ARL14EP: variants seen among roughly 807,000 people sequenced by gnomAD.
ARL14EP encodes the protein ARF like GTPase 14 effector protein.
Under a neutral mutation model 23.1 loss-of-function variants are expected in ARL14EP, and 12 were observed. The observed-to-expected ratio is 0.52, with a 90% confidence interval of 0.33 to 0.84. The LOEUF (loss-of-function observed/expected upper bound fraction) is 0.84, where lower values mean the gene tolerates loss of function less well. Ranked by LOEUF, ARL14EP falls within the 40% of genes least tolerant of loss-of-function variation. ARL14EP has a pLI of 0.02. For missense variants in ARL14EP, 253 were observed against 307.3 expected (o/e 0.82, Z 1.32); for synonymous variants, 97 against 102.0 (o/e 0.95, Z 0.29).
intron 3 of ARL14EP, among the ~76,000 whole-genome samples, chr11:30,333,578 G>T (rs754423231): frequency 3.9e-5 from 6 of 152,162 alleles, no homozygotes; most frequent in Non-Finnish European, 7.3e-5. Context: ...GATAAATGCT[G>T]TGGGTGTTCT....
intron 1 of ARL14EP, chr11:30,329,690 T>G (rs1359474126): frequency 2.0e-5 from 3 of 152,142 alleles, no homozygotes; most frequent in Admixed American, 2.0e-4. Context: ...GGGAAACAGT[T>G]TGTATGCATG....
rs1947276410 is a variant in ARL14EP at position 30,330,868 on chromosome 11, CTT to C, written c.-63-16_-63-15del. The C allele has an allele frequency of 7.3e-7, 1 of 1,375,618 alleles. No homozygotes were observed. Among genetic ancestry groups the C allele is most frequent in the Non-Finnish European group, 1.0e-6 (1 of 983,912 alleles). 85.2% of individuals were successfully genotyped at this position (1,375,618 alleles called of 1,614,324 possible). A position where few individuals can be genotyped will look rare whatever the true frequency, so the allele number is the denominator to read the frequency against. On this transcript the variant is annotated splice_polypyrimidine_tract_variant and intron_variant, in intron 1 of 3. Transcript: ENST00000282032. Reference sequence around the variant, plus strand: ...AAACTTGCAGCACAAATTTGATTCTCTTTAATATTTTCTCTAGGGTGATCAGC... The same window carrying C: ...AAACTTGCAGCACAAATTTGATTCTCTAATATTTTCTCTAGGGTGATCAGC...
chr11:30,330,882 C>A lies in ARL14EP; in HGVS notation c.-63-4C>A, dbSNP rs1947276433. ...AATTTGATTCTCTTTAATATTTTCT[C>A]TAGGGTGATCAGCCCATGACCTAAA... On this transcript the variant is annotated splice_polypyrimidine_tract_variant and splice_region_variant and intron_variant, in intron 1 of 3. Coordinates refer to ENST00000282032, the MANE Select transcript of ARL14EP (RefSeq NM_152316.3). 1 of 1,467,136 alleles carries A rather than the reference C, an allele frequency of 6.8e-7. No homozygotes were observed. Among genetic ancestry groups the A allele is most frequent in the Non-Finnish European group, 9.5e-7 (1 of 1,054,304 alleles). 90.9% of individuals were successfully genotyped at this position (1,467,136 alleles called of 1,614,324 possible). A position where few individuals can be genotyped will look rare whatever the true frequency, so the allele number is the denominator to read the frequency against.
intron 2 of ARL14EP, among the ~76,000 whole-genome samples, chr11:30,332,004 C>T (rs1433116154): frequency 6.6e-6 from 1 of 151,928 alleles, no homozygotes; most frequent in Non-Finnish European, 1.5e-5. Flanking sequence ...TATTTTACCT[C>T]TATTCCTATT....
intron 1 of ARL14EP, among the ~76,000 whole-genome samples, chr11:30,324,557 G>A (rs1404651977): frequency 6.6e-6 from 1 of 152,012 alleles, no homozygotes. Flanking sequence ...GTGGTGGGGG[G>A]GGTGTTCTGC....
chr11:30,330,088 C>A (rs941920840), intron 1 of ARL14EP: 1 of 151,920 alleles, frequency 6.6e-6, no homozygotes, highest in Non-Finnish European at 1.5e-5. Context: ...AATTGTTTTT[C>A]CATATGGTTA....
At chr11:30,323,833 A>G (rs938661854) in intron 1 of ARL14EP, among the ~76,000 whole-genome samples, 2 of 152,234 alleles carry the variant, frequency 1.3e-5, no homozygotes, top group Non-Finnish European at 2.9e-5. Flanking sequence ...GTAAATGAGA[A>G]TGATAGTACT....
At position 30,332,940 on chromosome 11, in the gene ARL14EP, T is replaced by A. The variant is rs1300308424; in HGVS notation, c.501T>A (p.Thr167=). The A allele has an allele frequency of 6.2e-7, 1 of 1,613,676 alleles. No homozygotes were observed. Among genetic ancestry groups the A allele is most frequent in the Admixed American group, 1.7e-5 (1 of 60,002 alleles). ...GGCAAACTGAATTTGCTCCAGAAACTGGTAAAAGAGAAAAAAGAAGGCTTA... is the reference window on the plus strand; with the variant it reads ...GGCAAACTGAATTTGCTCCAGAAACAGGTAAAAGAGAAAAAAGAAGGCTTA... ...PGRQTEFAPE[T]GKREKRRLTK... The change falls in exon 3 of 4, where the codon ACT becomes ACA. Residue 167 remains threonine, a synonymous_variant. Coordinates refer to ENST00000282032, the MANE Select transcript of ARL14EP (RefSeq NM_152316.3).
At position 30,331,072 on chromosome 11, in the gene ARL14EP, C is replaced by T. The variant is rs767739323; in HGVS notation, c.124C>T (p.Leu42Phe). 3.1e-6 allele frequency: 5 copies of T among 1,613,756 alleles called. No individual in the cohort carries two copies. Among genetic ancestry groups the T allele is most frequent in the Non-Finnish European group, 3.4e-6 (4 of 1,179,840 alleles). ...ATTGTCATCAAATGATATGCTTTTA[C>T]TTCAACTTAGAACTGGAATGACACT... ...QELSSNDMLL[L>F]QLRTGMTLSG... Residue 42 changes from leucine to phenylalanine, a missense_variant, in exon 2 of 4, where the codon CTT (leucine) becomes TTT (phenylalanine). Coordinates refer to ENST00000282032, the MANE Select transcript of ARL14EP (RefSeq NM_152316.3).
chr11:30,326,667 A>C (rs115895643), intron 1 of ARL14EP, among the ~76,000 whole-genome samples: 86 of 152,304 alleles, frequency 5.6e-4, no homozygotes, highest in African/African-American at 2.0e-3. Flanking sequence ...TTAGAATGCA[A>C]ACAGTGACCA....
intron 3 of ARL14EP, among the ~76,000 whole-genome samples, chr11:30,334,472 C>T (rs1400239926): frequency 6.6e-5 from 10 of 152,116 alleles, no homozygotes; most frequent in Non-Finnish European, 1.3e-4. Flanking sequence ...CCTTGGCCTC[C>T]CAAAGTGCTG....
intron 1 of ARL14EP, chr11:30,327,917 A>C (rs1322238099): frequency 1.3e-5 from 2 of 151,624 alleles, no homozygotes; most frequent in Non-Finnish European, 2.9e-5. Flanking sequence ...TGGAGCTTGC[A>C]GTGAGCCAAG....
chr11:30,333,847 A>G (rs556131801), intron 3 of ARL14EP, among the ~76,000 whole-genome samples: 2 of 152,342 alleles, frequency 1.3e-5, no homozygotes, highest in African/African-American at 4.8e-5. Flanking sequence ...TGTGAATGCA[A>G]AGAAAAAGTT....
rs36111177 is a variant in ARL14EP, at chr11:30,334,208, C to CTTTTTTTTTTTTTTT, written c.554+1226_554+1240dup. 1.1e-3 allele frequency among the ~76,000 whole-genome samples: 98 copies of CTTTTTTTTTTTTTTT among 86,026 alleles called. 13 individuals carry two copies. Among genetic ancestry groups the CTTTTTTTTTTTTTTT allele is most frequent in the East Asian group, 2.9e-3 (4 of 1,362 alleles). The allele number at this position is 86,026 out of a possible 152,430, so 56.4% of individuals were successfully genotyped here. A position where few individuals can be genotyped will look rare whatever the true frequency, so the allele number is the denominator to read the frequency against. On this transcript the variant is annotated intron_variant, in intron 3 of 3. Coordinates refer to ENST00000282032, the MANE Select transcript of ARL14EP (RefSeq NM_152316.3). ...CAGATTTTCAATGTAGACCAGCCTT[C>CTTTTTTTTTTTTTTT]TTTTTTTTTTTTTTTTTTTTTTTTT...
intron 1 of ARL14EP, among the ~76,000 whole-genome samples, chr11:30,327,111 A>G (rs897711853): frequency 2.0e-5 from 3 of 152,166 alleles, no homozygotes; most frequent in African/African-American, 7.2e-5. Context: ...ACTAAGAAAA[A>G]CTGAACTTCC....
At chr11:30,328,137 A>C (rs1947254189) in intron 1 of ARL14EP, 1 of 147,292 alleles carries the variant, frequency 6.8e-6, no homozygotes, top group Admixed American at 6.7e-5. Context: ...AGAAAAAAAA[A>C]ATTTTTTTTA....
chr11:30,329,370 A>G (rs1167627472), intron 1 of ARL14EP: 2 of 152,146 alleles, frequency 1.3e-5, no homozygotes, highest in Non-Finnish European at 2.9e-5. Flanking sequence ...GTTATTTGTC[A>G]TCTTTCACTG....
Position 30,332,873 on chromosome 11 carries a change from C to G in ARL14EP, c.434C>G (p.Thr145Ser). The stretch of plus-strand genomic sequence containing the variant: ...TTGTTTACCTTTCTTCAGGGAAGAA[C>G]TGCTAAAGCTTTGAGGTCATTACAA... ...QKRKPESDGR[T>S]AKALRSLQFT... Residue 145 changes from threonine to serine, a missense_variant, in exon 3 of 4, where the codon ACT (threonine) becomes AGT (serine). Thr to Ser is a moderately conservative substitution (Grantham distance 58). Coordinates refer to ENST00000282032, the MANE Select transcript of ARL14EP (RefSeq NM_152316.3). The G allele has an allele frequency of 2.5e-6, 4 of 1,613,154 alleles. No individual in the cohort carries two copies. Among genetic ancestry groups the G allele is most frequent in the Non-Finnish European group, 3.4e-6 (4 of 1,179,390 alleles).
intron 1 of ARL14EP, among the ~76,000 whole-genome samples, 170 bp downstream of exon 1, chr11:30,323,372 C>T (rs115560263): frequency 6.6e-6 from 1 of 152,120 alleles, no homozygotes; most frequent in South Asian, 2.1e-4. Flanking sequence ...TCACCCCTAC[C>T]CCCGCGTAGT....
Sources: gnomAD v4.1 joint callset for allele counts (sites outside exome capture counted in the v4.1 genomes callset) on GRCh38, gnomAD v4.1.1 for gene constraint, MANE v1.5 for transcripts, NCBI Gene and HGNC (gene_info 2026-07-23, HGNC 2026-07-21) for gene names.